Variants in CTNNA2 observed in about 807,000 individuals in gnomAD.
CTNNA2 encodes the protein catenin alpha 2, also known as catenin alpha-2.
In CTNNA2, 42 loss-of-function variants were observed where a neutral mutation model predicts 101.0. The observed-to-expected ratio is 0.42, with a 90% confidence interval of 0.32 to 0.54. The LOEUF (loss-of-function observed/expected upper bound fraction) is 0.54, where lower values mean the gene tolerates loss of function less well. CTNNA2 is among the 20% of genes least tolerant of loss of function. CTNNA2 has a pLI of 0.14. For missense variants in CTNNA2, 871 were observed against 1,223.1 expected (o/e 0.71, Z 4.29); for synonymous variants, 450 against 456.4 (o/e 0.99, Z 0.18).
chr2:79,389,419 AG>A (rs1678141768), intron 4 of CTNNA2, among the ~76,000 whole-genome samples: 1 of 152,252 alleles, frequency 6.6e-6, no homozygotes, highest in African/African-American at 2.4e-5. Context: ...ACAGATAAAA[AG>A]CATGGGGGAG....
chr2:80,305,011 C>G, intron 7 of CTNNA2: 1 of 952,712 alleles, frequency 1.0e-6, no homozygotes. Context: ...ATGTTCTGTG[C>G]TCTCCCCCTT....
chr2:79,951,759 C>G (rs933709551), intron 7 of CTNNA2, among the ~76,000 whole-genome samples: 1 of 152,126 alleles, frequency 6.6e-6, no homozygotes, highest in Non-Finnish European at 1.5e-5. Flanking sequence ...TCCATTCAAA[C>G]TATCCTACCC....
chr2:79,293,669 C>T (rs1675889893), intron 2 of CTNNA2, among the ~76,000 whole-genome samples: 1 of 152,134 alleles, frequency 6.6e-6, no homozygotes, highest in African/African-American at 2.4e-5. Context: ...AATTAAAATA[C>T]ACATACAAAA....
At chr2:80,393,505 G>A (rs1273979736) in intron 8 of CTNNA2, among the ~76,000 whole-genome samples, 8 of 152,316 alleles carry the variant, frequency 5.3e-5, no homozygotes, top group African/African-American at 1.4e-4. Context: ...TGAGCAGGTG[G>A]CTTCTCACTG....
intron 9 of CTNNA2, among the ~76,000 whole-genome samples, chr2:80,507,947 C>T (rs763848554): frequency 6.6e-6 from 1 of 151,798 alleles, no homozygotes; most frequent in Non-Finnish European, 1.5e-5. Flanking sequence ...TGTGATTGCT[C>T]AGATTTGGCA....
intron 4 of CTNNA2, among the ~76,000 whole-genome samples, chr2:79,453,142 T>A (rs1039698255): frequency 5.9e-5 from 9 of 152,120 alleles, no homozygotes; most frequent in Admixed American, 2.0e-4. Context: ...ATCAGCTATG[T>A]TTCAGGAATA....
chr2:79,879,139 G>A (rs111866115), intron 6 of CTNNA2, among the ~76,000 whole-genome samples: 5,536 of 152,192 alleles, frequency 0.036, 321 homozygotes, highest in East Asian at 0.28. Flanking sequence ...TAGATGTGTG[G>A]TGTTATTTCT....
intron 7 of CTNNA2, chr2:80,162,553 T>A: frequency 6.2e-7 from 1 of 1,607,696 alleles, no homozygotes; most frequent in Non-Finnish European, 8.5e-7. Context: ...AGAAATCATC[T>A]CTTTCCTCTG....
chr2:79,964,398 A>T (rs903910786), intron 7 of CTNNA2, among the ~76,000 whole-genome samples: 1 of 152,172 alleles, frequency 6.6e-6, no homozygotes, highest in African/African-American at 2.4e-5. Context: ...CCAACATTCA[A>T]ATATGGGTTT....
intron 8 of CTNNA2, among the ~76,000 whole-genome samples, chr2:80,412,354 C>T (rs1679659593): frequency 6.6e-6 from 1 of 152,176 alleles, no homozygotes; most frequent in Non-Finnish European, 1.5e-5. Context: ...TTTGTTATAA[C>T]ATTTTAAGTA....
At chr2:80,004,819 C>T (rs1010414960) in intron 7 of CTNNA2, among the ~76,000 whole-genome samples, 4 of 152,020 alleles carry the variant, frequency 2.6e-5, no homozygotes, top group Non-Finnish European at 4.4e-5. Flanking sequence ...TCTCCTGCTT[C>T]AGCCTCCCAA....
intron 7 of CTNNA2, among the ~76,000 whole-genome samples, chr2:80,176,769 G>T (rs891907741): frequency 1.3e-5 from 2 of 152,058 alleles, no homozygotes; most frequent in East Asian, 1.9e-4. Context: ...TGATAATCTG[G>T]GTCAATCACC....
intron 7 of CTNNA2, among the ~76,000 whole-genome samples, chr2:80,081,299 G>A (rs1311507820): frequency 6.6e-6 from 1 of 151,856 alleles, no homozygotes. Flanking sequence ...TTTCGAGGAG[G>A]ATTGGGGTAT....
At chr2:79,247,813 A>G (rs756597983) in intron 2 of CTNNA2, among the ~76,000 whole-genome samples, 47 of 152,184 alleles carry the variant, frequency 3.1e-4, no homozygotes, top group Non-Finnish European at 4.9e-4. Context: ...TGCCATGTTG[A>G]TGGCCTCAAA....
At position 80,098,139 on chromosome 2, in the gene CTNNA2, A is replaced by G. The variant is rs543051716; in HGVS notation, c.1056+188342A>G. On this transcript the variant is annotated intron_variant, in intron 7 of 18. Transcript: ENST00000402739. ...GTTTTTTCCTCATCTTTGTGGTTTT[A>G]TCTACCTTTGGTCTTTGATGATGGT... Among the ~76,000 whole-genome samples, 20 of 152,146 alleles carry G rather than the reference A, an allele frequency of 1.3e-4. No homozygotes were observed. In the East Asian group the frequency reaches 3.9e-3, roughly 30 times the overall value.
chr2:79,828,223 T>G (rs1246760244), intron 3 of CTNNA2, among the ~76,000 whole-genome samples: 6 of 152,216 alleles, frequency 3.9e-5, no homozygotes, highest in Non-Finnish European at 7.3e-5. Context: ...GTCCTTTATT[T>G]TTGGTTTCTC....
intron 7 of CTNNA2, among the ~76,000 whole-genome samples, chr2:80,166,304 C>G (rs1026064203): frequency 6.6e-6 from 1 of 152,194 alleles, no homozygotes; most frequent in Non-Finnish European, 1.5e-5. Context: ...CACCCCCACT[C>G]TACTTTCCCA....
intron 7 of CTNNA2, among the ~76,000 whole-genome samples, chr2:80,307,131 A>T (rs942847579): frequency 2.1e-4 from 31 of 151,068 alleles, no homozygotes; most frequent in Non-Finnish European, 3.2e-4. Context: ...TCTATATGGT[A>T]TCTTTAAGCC....
intron 7 of CTNNA2, among the ~76,000 whole-genome samples, chr2:80,258,959 C>T (rs1341399452): frequency 1.3e-5 from 2 of 152,168 alleles, no homozygotes; most frequent in Middle Eastern, 3.4e-3. Context: ...GAGAAGGAGG[C>T]CCCCATTTAA....
Sources: gnomAD v4.1 joint callset for allele counts (sites outside exome capture counted in the v4.1 genomes callset) on GRCh38, gnomAD v4.1.1 for gene constraint, MANE v1.5 for transcripts, NCBI Gene and HGNC (gene_info 2026-07-23, HGNC 2026-07-21) for gene names.